Variants in JADE3 observed in about 807,000 individuals in gnomAD.
JADE3 encodes jade family PHD finger 3, also known as protein Jade-3.
In JADE3, 2 loss-of-function variants were observed where a neutral mutation model predicts 50.1. The ratio of observed to expected loss-of-function variants is 0.04; its 90% CI spans 0.02 to 0.13. The LOEUF is 0.13. Ranked by LOEUF, JADE3 falls within the 10% of genes least tolerant of loss-of-function variation. The pLI, the probability that JADE3 is intolerant of heterozygous loss-of-function variation, is 1.00. For synonymous variants in JADE3, 218 were observed against 232.9 expected (o/e 0.94, Z 0.58); for missense variants, 475 against 634.4 (o/e 0.75, Z 2.70).
chrX:47,052,208 T>C (rs1376063581), intron 8 of JADE3, among the ~76,000 whole-genome samples: 1 of 109,680 alleles, frequency 9.1e-6, no homozygotes, highest in Non-Finnish European at 1.9e-5. Context: ...CCTTCCCCCT[T>C]TGCCCCCCCC....
At chrX:46,977,069 G>A (rs1456354227) in intron 1 of JADE3, among the ~76,000 whole-genome samples, 1 of 111,839 alleles carries the variant, frequency 8.9e-6, no homozygotes, top group African/African-American at 3.3e-5. Flanking sequence ...TATACAACTA[G>A]ATGAGTTTGG....
intron 1 of JADE3, among the ~76,000 whole-genome samples, chrX:46,940,534 C>T (rs181453447): frequency 3.9e-4 from 44 of 111,605 alleles, no homozygotes; most frequent in Non-Finnish European, 6.8e-4. Context: ...AGTTAGTTAC[C>T]TAGTTGCCTT....
In JADE3 at chrX:47,058,339, C is replaced by T. The variant is rs1556373834; in HGVS notation, c.1734C>T (p.Asn578=). ...DSSSSVHSIR[N]MQVPQESLEM... ...GCTCATCTGTTCACAGTATAAGGAA[C>T]ATGCAGGTGCCTCAGGAGTCACTAG... Residue 578 remains asparagine (N), a synonymous_variant, in exon 11 of 11, where the codon AAC becomes AAT. Transcript: ENST00000614628. 5.8e-6 allele frequency: 7 copies of T among 1,211,186 alleles called. No individual in the cohort carries two copies. Among genetic ancestry groups the T allele is most frequent in the Non-Finnish European group, 7.8e-6 (7 of 895,177 alleles).
intron 7 of JADE3, among the ~76,000 whole-genome samples, chrX:47,034,668 C>G (rs781868485): frequency 2.7e-5 from 3 of 109,981 alleles, no homozygotes; most frequent in Non-Finnish European, 5.7e-5. Context: ...GGCGCTATCT[C>G]GGCTCACTGC....
intron 1 of JADE3, among the ~76,000 whole-genome samples, chrX:46,966,992 A>G (rs1211412746): frequency 1.8e-5 from 2 of 112,328 alleles, no homozygotes; most frequent in Non-Finnish European, 3.8e-5. Context: ...AGCAGAGCTT[A>G]GCTGTTTTCT....
At chrX:46,985,582 T>A in intron 2 of JADE3, 131 bp from the exon 3 acceptor site, 1 of 469,582 alleles carries the variant, frequency 2.1e-6, no homozygotes. Context: ...GACTGTTTTC[T>A]TCAGTGGTAT....
At chrX:47,012,128 A>T (rs1340195460) in intron 4 of JADE3, among the ~76,000 whole-genome samples, 1 of 111,701 alleles carries the variant, frequency 9.0e-6, no homozygotes, top group African/African-American at 3.3e-5. Flanking sequence ...CAGATCCTTA[A>T]CTCAATTTTT....
chrX:47,049,001 A>G (rs1929436775), intron 8 of JADE3, among the ~76,000 whole-genome samples: 1 of 111,325 alleles, frequency 9.0e-6, no homozygotes, highest in Non-Finnish European at 1.9e-5. Context: ...TTTATTTTAA[A>G]TTTGTAAAGA....
chrX:46,942,074 C>T (rs1353593813), intron 1 of JADE3, among the ~76,000 whole-genome samples: 1 of 110,544 alleles, frequency 9.0e-6, no homozygotes, highest in Non-Finnish European at 1.9e-5. Context: ...GTTGTTTTTT[C>T]ACTTGTTGAA....
intron 4 of JADE3, among the ~76,000 whole-genome samples, chrX:47,008,698 T>C (rs1387129191): frequency 1.8e-5 from 2 of 111,471 alleles, no homozygotes; most frequent in Non-Finnish European, 1.9e-5. Context: ...TACAGTATCA[T>C]ACCACCATGC....
chrX:46,949,443 C>T (rs1417185679), intron 1 of JADE3, among the ~76,000 whole-genome samples: 5 of 111,690 alleles, frequency 4.5e-5, no homozygotes, highest in African/African-American at 6.5e-5. Context: ...AACAGCTTTC[C>T]GAAGATTTTA....
chrX:46,958,608 A>G (rs1219586352), intron 1 of JADE3, among the ~76,000 whole-genome samples: 1 of 112,147 alleles, frequency 8.9e-6, no homozygotes, highest in Non-Finnish European at 1.9e-5. Flanking sequence ...TGACTGGAAC[A>G]GAAAAGAGCC....
intron 8 of JADE3, among the ~76,000 whole-genome samples, chrX:47,046,633 A>G (rs1929383340): frequency 8.9e-6 from 1 of 112,550 alleles, no homozygotes; most frequent in Admixed American, 9.4e-5. Context: ...AATCCTCAAC[A>G]AAGTACTGGA....
chrX:46,936,061 C>A (rs1243983792), intron 1 of JADE3, among the ~76,000 whole-genome samples: 1 of 103,833 alleles, frequency 9.6e-6, no homozygotes, highest in Non-Finnish European at 2.0e-5. Flanking sequence ...CTCTGTCACC[C>A]AGGCTGGAGT....
intron 4 of JADE3, among the ~76,000 whole-genome samples, chrX:47,005,945 G>A (rs936236398): frequency 9.0e-6 from 1 of 111,516 alleles, no homozygotes; most frequent in Non-Finnish European, 1.9e-5. Flanking sequence ...TAGTGTCATA[G>A]GAAGCCAGCC....
chrX:46,934,157 C>T (rs782289688), intron 1 of JADE3, among the ~76,000 whole-genome samples: 3 of 111,341 alleles, frequency 2.7e-5, no homozygotes, highest in Admixed American at 9.5e-5. Flanking sequence ...TTTTTTAAGA[C>T]GGAGTCTCGG....
chrX:46,923,390 TCTC>T (rs370361163), intron 1 of JADE3, among the ~76,000 whole-genome samples: 4 of 54,582 alleles, frequency 7.3e-5, no homozygotes, highest in African/African-American at 2.7e-4. Context: ...TCTCTCTCTC[TCTC>T]TTTTTTTTTT....
At chrX:46,917,861 CTCT>C (rs1569533775) in intron 1 of JADE3, among the ~76,000 whole-genome samples, 46 of 56,400 alleles carry the variant, frequency 8.2e-4, no homozygotes, top group African/African-American at 3.5e-3. Context: ...CTCTCATCCT[CTCT>C]CTCTCTCTCT....
chrX:46,992,968 T>C (rs1928050360), intron 3 of JADE3, among the ~76,000 whole-genome samples: 1 of 111,241 alleles, frequency 9.0e-6, no homozygotes, highest in Admixed American at 9.6e-5. Context: ...TTTTCTGAGA[T>C]AGTAGCCTTA....
Sources: allele counts gnomAD v4.1 joint callset (sites outside exome capture counted in the v4.1 genomes callset), GRCh38; gene constraint gnomAD v4.1.1; transcripts MANE v1.5; gene names NCBI Gene and HGNC (gene_info 2026-07-23, HGNC 2026-07-21).